The following ZCWPW2 variants were observed in gnomAD, a reference collection of about 807,000 sequenced individuals.
The protein encoded by ZCWPW2 is zinc finger CW-type PWWP domain protein 2.
ZCWPW2 carries 45 observed loss-of-function variants against 46.6 expected under a neutral mutation model. The observed-to-expected ratio is 0.96, with a 90% CI of 0.76 to 1.24. ZCWPW2 has a LOEUF of 1.24. Ranked by LOEUF, ZCWPW2 falls within the 50% of genes most tolerant of loss-of-function variation. ZCWPW2 has a pLI of 0.00. For missense variants in ZCWPW2, 429 were observed against 403.9 expected, an observed-to-expected ratio of 1.06 and a Z score of -0.53; for synonymous variants, 152 against 137.1, an observed-to-expected ratio of 1.11 and a Z score of -0.76.
At chr3:28,398,948 G>A (rs1695813416) in intron 2 of ZCWPW2, among the ~76,000 whole-genome samples, 1 of 152,192 alleles carries the variant, frequency 6.6e-6, no homozygotes, top group South Asian at 2.1e-4. Context: ...CCAGAACTCA[G>A]AGGAGGGCAT....
intron 6 of ZCWPW2, among the ~76,000 whole-genome samples, chr3:28,499,418 A>G (rs1341326490): frequency 6.6e-6 from 1 of 151,894 alleles, no homozygotes; most frequent in Admixed American, 6.6e-5. Context: ...GCTTTTTTTC[A>G]TATGTTTGTT....
chr3:28,370,617 G>A (rs1481048658), intron 1 of ZCWPW2, among the ~76,000 whole-genome samples: 1 of 152,194 alleles, frequency 6.6e-6, no homozygotes, highest in Non-Finnish European at 1.5e-5. Flanking sequence ...TGGTGTTTAT[G>A]TTCTAATCCT....
chr3:28,365,016 T>C (rs1705076560), intron 1 of ZCWPW2, among the ~76,000 whole-genome samples: 2 of 152,154 alleles, frequency 1.3e-5, no homozygotes, highest in South Asian at 2.1e-4. Context: ...CTTGTAAATT[T>C]GTTTGAGTTC....
chr3:28,352,161 C>CAG (rs1553627183), intron 1 of ZCWPW2, among the ~76,000 whole-genome samples: 1 of 147,586 alleles, frequency 6.8e-6, no homozygotes, highest in Non-Finnish European at 1.5e-5. Flanking sequence ...CACACACACA[C>CAG]ACACACGAGA....
intron 6 of ZCWPW2, among the ~76,000 whole-genome samples, chr3:28,506,453 T>G (rs1168802533): frequency 6.6e-6 from 1 of 151,920 alleles, no homozygotes; most frequent in African/African-American, 2.4e-5. Context: ...CATAGGAGAA[T>G]CAGCTATGCA....
intron 3 of ZCWPW2, among the ~76,000 whole-genome samples, chr3:28,432,418 A>G (rs913871973): frequency 2.0e-5 from 3 of 152,176 alleles, no homozygotes; most frequent in African/African-American, 7.2e-5. Context: ...ACAGCTGTAC[A>G]GATTTTTGAA....
At chr3:28,508,124 T>C (rs1282303294) in intron 6 of ZCWPW2, among the ~76,000 whole-genome samples, 3 of 152,102 alleles carry the variant, frequency 2.0e-5, no homozygotes, top group Non-Finnish European at 4.4e-5. Context: ...AGCAGGGCTC[T>C]TTTTAACAAC....
At chr3:28,523,642 C>G (rs1303509612) in intron 9 of ZCWPW2, among the ~76,000 whole-genome samples, 1 of 152,016 alleles carries the variant, frequency 6.6e-6, no homozygotes, top group Non-Finnish European at 1.5e-5. Flanking sequence ...TGTGAGTTTT[C>G]AATTGGATTA....
At chr3:28,478,698 A>G (rs1368219781) in intron 4 of ZCWPW2, 116 bp from the exon 5 acceptor site, 2 of 462,014 alleles carry the variant, frequency 4.3e-6, no homozygotes, top group African/African-American at 2.0e-5. Context: ...ACGAAAGTCT[A>G]AGAAATACGT....
At position 28,348,890 on chromosome 3, in the gene ZCWPW2, G is replaced by A; in HGVS notation, c.-447G>A. On this transcript the variant is annotated 5_prime_UTR_variant, in exon 1 of 10. Transcript: ENST00000383768. Reference sequence around the variant, plus strand: ...AGGCCCGTTACCCAGCAATACGCGCGCGAGACCCAGGCCCGCCGTCGGGAC... The same window carrying A: ...AGGCCCGTTACCCAGCAATACGCGCACGAGACCCAGGCCCGCCGTCGGGAC... 1 of 943,436 alleles carries A rather than the reference G, an allele frequency of 1.1e-6. No individual in the cohort carries two copies. The highest frequency in any genetic ancestry group is 4.9e-5 in the South Asian group (1 of 20,502). The allele number at this position is 943,436 out of a possible 1,614,324, so 58.4% of individuals were successfully genotyped here.
At chr3:28,428,701 G>C (rs1358830152) in intron 3 of ZCWPW2, among the ~76,000 whole-genome samples, 2 of 152,134 alleles carry the variant, frequency 1.3e-5, no homozygotes, top group Admixed American at 6.5e-5. Flanking sequence ...CTTGTGGGAG[G>C]TAATTAGAAC....
chr3:28,422,673 A>G (rs774254238), intron 3 of ZCWPW2, among the ~76,000 whole-genome samples: 3 of 152,160 alleles, frequency 2.0e-5, no homozygotes, highest in African/African-American at 4.8e-5. Flanking sequence ...TAAAGCTTCT[A>G]TACACATCCA....
chr3:28,507,053 C>T (rs1700296332), intron 6 of ZCWPW2, among the ~76,000 whole-genome samples: 1 of 152,054 alleles, frequency 6.6e-6, no homozygotes, highest in Non-Finnish European at 1.5e-5. Context: ...TTGGAGTGGT[C>T]AGGTGACTTA....
chr3:28,461,558 A>T (rs958777408), intron 4 of ZCWPW2: 2 of 152,150 alleles, frequency 1.3e-5, no homozygotes, highest in Non-Finnish European at 2.9e-5. Flanking sequence ...ATTCAGGATT[A>T]AAAAATGTAG....
At chr3:28,453,735 C>G (rs1026369059) in intron 4 of ZCWPW2, among the ~76,000 whole-genome samples, 3 of 151,526 alleles carry the variant, frequency 2.0e-5, no homozygotes, top group Non-Finnish European at 4.4e-5. Flanking sequence ...TTACATTCTT[C>G]CATCAAGAAT....
At chr3:28,466,517 G>A (rs1401245619) in intron 4 of ZCWPW2, among the ~76,000 whole-genome samples, 1 of 152,186 alleles carries the variant, frequency 6.6e-6, no homozygotes, top group Non-Finnish European at 1.5e-5. Context: ...TAAAGCCCGA[G>A]ACTGGCTGTG....
intron 5 of ZCWPW2, among the ~76,000 whole-genome samples, chr3:28,483,511 T>G (rs1699498939): frequency 6.6e-6 from 1 of 152,314 alleles, no homozygotes; most frequent in African/African-American, 2.4e-5. Context: ...AGTTTGTTGA[T>G]TTCACAAAAT....
At chr3:28,520,933 G>A in intron 8 of ZCWPW2, 59 bp from the exon 9 acceptor site, 1 of 1,588,644 alleles carries the variant, frequency 6.3e-7, no homozygotes, top group Non-Finnish European at 8.6e-7. Context: ...TTAAGATTAT[G>A]AATTAGATTG....
At chr3:28,517,928 G>A (rs1054054633) in intron 8 of ZCWPW2, among the ~76,000 whole-genome samples, 1 of 152,052 alleles carries the variant, frequency 6.6e-6, no homozygotes, top group South Asian at 2.1e-4. Flanking sequence ...CTGATGTCAG[G>A]AGTTCATGAC....
Sources: gnomAD v4.1 joint callset for allele counts (sites outside exome capture counted in the v4.1 genomes callset) on GRCh38, gnomAD v4.1.1 for gene constraint, MANE v1.5 for transcripts, NCBI Gene and HGNC (gene_info 2026-07-23, HGNC 2026-07-21) for gene names.